Variants in SPTLC3 observed in about 807,000 individuals in gnomAD.
The protein encoded by SPTLC3 is serine palmitoyltransferase 3.
SPTLC3 carries 36 observed loss-of-function variants against 59.3 expected under a neutral mutation model. The ratio of observed to expected loss-of-function variants is 0.61; its 90% CI spans 0.47 to 0.80. The LOEUF is 0.80. Among genes scored for constraint, SPTLC3 ranks in the 30% least tolerant of loss-of-function variants. SPTLC3 has a pLI of 0.00. For missense variants in SPTLC3, 625 were observed against 685.1 expected (o/e 0.91, Z 0.98); for synonymous variants, 257 against 240.8 (o/e 1.07, Z -0.62).
At chr20:13,053,127 C>T (rs1281793944) in intron 2 of SPTLC3, among the ~76,000 whole-genome samples, 2 of 152,188 alleles carry the variant, frequency 1.3e-5, no homozygotes, top group African/African-American at 4.8e-5. Flanking sequence ...GGTTGACAGA[C>T]ACCTCATACA....
chr20:13,055,066 G>T (rs749546797), intron 2 of SPTLC3, among the ~76,000 whole-genome samples: 1 of 151,830 alleles, frequency 6.6e-6, no homozygotes, highest in Non-Finnish European at 1.5e-5. Context: ...TATTTAGGAG[G>T]TATCAATAAG....
intron 9 of SPTLC3, among the ~76,000 whole-genome samples, chr20:13,133,787 G>A (rs575346016): frequency 6.6e-6 from 1 of 152,290 alleles, no homozygotes; most frequent in South Asian, 2.1e-4. Flanking sequence ...GGATGGTCCA[G>A]TGATTGTAGG....
chr20:13,086,960 AC>A (rs1362716033), intron 4 of SPTLC3, among the ~76,000 whole-genome samples: 10 of 151,774 alleles, frequency 6.6e-5, no homozygotes, highest in Admixed American at 6.6e-4. Context: ...CAGCTACTTT[AC>A]TTTTTATTTA....
intron 1 of SPTLC3, among the ~76,000 whole-genome samples, chr20:13,039,973 T>C (rs549069948): frequency 1.3e-5 from 2 of 152,174 alleles, no homozygotes; most frequent in African/African-American, 4.8e-5. Flanking sequence ...ATAAATACTA[T>C]GTTGTACAAT....
chr20:13,149,627 C>T (rs111497046), intron 9 of SPTLC3, among the ~76,000 whole-genome samples: 1 of 152,212 alleles, frequency 6.6e-6, no homozygotes, highest in African/African-American at 2.4e-5. Context: ...GTCATAATGG[C>T]TTGTCAGCCA....
At chr20:13,158,373 G>A (rs991421976) in intron 10 of SPTLC3, among the ~76,000 whole-genome samples, 3 of 152,118 alleles carry the variant, frequency 2.0e-5, no homozygotes, top group Non-Finnish European at 4.4e-5. Flanking sequence ...GAGACGCCAG[G>A]TTAGACTAAT....
In SPTLC3 at chr20:13,048,963, T is replaced by G; in HGVS notation, c.136T>G (p.Phe46Val). 2 of 1,559,622 alleles carry G rather than the reference T, an allele frequency of 1.3e-6. No individual in the cohort carries two copies. Among genetic ancestry groups the G allele is most frequent in the Non-Finnish European group, 1.7e-6 (2 of 1,158,276 alleles). ...TTTTCAGCAAAATGGGAAGCCACATTTTTATGATAAGCTCATTGTTGAATC... is the reference window on the plus strand; with the variant it reads ...TTTTCAGCAAAATGGGAAGCCACATGTTTATGATAAGCTCATTGTTGAATC... ...KEAQQNGKPH[F>V]YDKLIVESFE... The change falls in exon 2 of 12, where the codon TTT (phenylalanine) becomes GTT (valine). Residue 46 changes from phenylalanine to valine, a missense_variant. Coordinates refer to ENST00000399002, the MANE Select transcript of SPTLC3 (RefSeq NM_018327.4).
At chr20:13,055,959 T>G (rs6041820) in intron 2 of SPTLC3, among the ~76,000 whole-genome samples, 132,640 of 152,050 alleles carry the variant, frequency 0.87, 57,919 homozygotes, top group East Asian at 0.91. Flanking sequence ...TAGATCTTTT[T>G]ACTCCTGCAT....
chr20:13,086,208 A>C (rs1379872699), intron 4 of SPTLC3, among the ~76,000 whole-genome samples: 3 of 152,206 alleles, frequency 2.0e-5, no homozygotes, highest in Non-Finnish European at 4.4e-5. Flanking sequence ...GCAAGTTGAC[A>C]CCTTTACTCA....
At chr20:13,036,153 T>A (rs6041785) in intron 1 of SPTLC3, among the ~76,000 whole-genome samples, 21,215 of 151,526 alleles carry the variant, frequency 0.14, 2,219 homozygotes, top group African/African-American at 0.3. Context: ...GGTGATGATT[T>A]AAAAAAAAAT....
At chr20:13,040,870 T>C (rs1986952677) in intron 1 of SPTLC3, among the ~76,000 whole-genome samples, 1 of 151,868 alleles carries the variant, frequency 6.6e-6, no homozygotes, top group African/African-American at 2.4e-5. Context: ...AGATTATTGG[T>C]TGACTTCTTA....
At chr20:13,029,400 G>T (rs1340183260) in intron 1 of SPTLC3, among the ~76,000 whole-genome samples, 7 of 152,118 alleles carry the variant, frequency 4.6e-5, no homozygotes, top group Admixed American at 4.6e-4. Context: ...ACTTCTTTCG[G>T]CTCAGGAGCT....
At chr20:13,045,545 T>C (rs1355295654) in intron 1 of SPTLC3, among the ~76,000 whole-genome samples, 1 of 152,160 alleles carries the variant, frequency 6.6e-6, no homozygotes, top group Non-Finnish European at 1.5e-5. Flanking sequence ...ACTAGCTATC[T>C]CTTAAGGAGA....
intron 11 of SPTLC3, chr20:13,164,392 G>T: frequency 2.1e-6 from 1 of 475,992 alleles, no homozygotes; most frequent in South Asian, 1.5e-5. Context: ...AACTTCAAAT[G>T]CATTCTGCAA....
At chr20:13,044,111 T>G (rs1299554244) in intron 1 of SPTLC3, among the ~76,000 whole-genome samples, 1 of 147,866 alleles carries the variant, frequency 6.8e-6, no homozygotes, top group Non-Finnish European at 1.5e-5. Flanking sequence ...TTTCTTTTTT[T>G]TTTTTTGAGA....
chr20:13,015,206 A>G (rs1985465304), intron 1 of SPTLC3, among the ~76,000 whole-genome samples: 1 of 152,196 alleles, frequency 6.6e-6, no homozygotes, highest in Non-Finnish European at 1.5e-5. Context: ...GAGAAAAGGG[A>G]TATATCAAGG....
chr20:13,088,993 G>A (rs933287122), intron 4 of SPTLC3, among the ~76,000 whole-genome samples: 2 of 152,112 alleles, frequency 1.3e-5, no homozygotes, highest in African/African-American at 2.4e-5. Flanking sequence ...AGTTTGAAAA[G>A]CAAGGCCCTT....
intron 11 of SPTLC3, among the ~76,000 whole-genome samples, chr20:13,161,739 T>C (rs2038899849): frequency 6.6e-6 from 1 of 152,178 alleles, no homozygotes; most frequent in Non-Finnish European, 1.5e-5. Context: ...GTAGGCATTT[T>C]AAGGGAATGA....
intron 6 of SPTLC3, among the ~76,000 whole-genome samples, chr20:13,106,488 G>T (rs1427452512): frequency 6.6e-6 from 1 of 152,192 alleles, no homozygotes; most frequent in Non-Finnish European, 1.5e-5. Flanking sequence ...TCAGTGATGA[G>T]TGAGCATTCT....
Sources: gnomAD v4.1 joint callset for allele counts (sites outside exome capture counted in the v4.1 genomes callset) on GRCh38, gnomAD v4.1.1 for gene constraint, MANE v1.5 for transcripts, NCBI Gene and HGNC (gene_info 2026-07-23, HGNC 2026-07-21) for gene names.